The following UNC5D variants were observed in gnomAD, a reference collection of about 807,000 sequenced individuals.
The protein encoded by UNC5D is unc-5 netrin receptor D.
Under a neutral mutation model 105.4 loss-of-function variants are expected in UNC5D, and 39 were observed. That is an observed-to-expected ratio of 0.37 (90% CI 0.29 to 0.48). UNC5D has a LOEUF of 0.48. UNC5D is among the 20% of genes least tolerant of loss of function. UNC5D has a pLI of 0.98. For missense variants in UNC5D, 991 were observed against 1,202.4 expected, an observed-to-expected ratio of 0.82 and a Z score of 2.60; for synonymous variants, 452 against 450.4, an observed-to-expected ratio of 1.00 and a Z score of -0.04.
intron 1 of UNC5D, among the ~76,000 whole-genome samples, chr8:35,411,474 A>G (rs1374548442): frequency 6.6e-6 from 1 of 152,044 alleles, no homozygotes; most frequent in Non-Finnish European, 1.5e-5. Context: ...AGATTTTATG[A>G]AAGCCACTTA....
In UNC5D at chr8:35,568,179, A is replaced by T. The variant is rs1267601411; in HGVS notation, c.404A>T (p.Gln135Leu). ...CATGGGCCCGAGGACTATTGGTGCCAGTGTGTGGCGTGGAGCCACCTGGGT... is the reference window on the plus strand; with the variant it reads ...CATGGGCCCGAGGACTATTGGTGCCTGTGTGTGGCGTGGAGCCACCTGGGT... ...DFHGPEDYWCQCVAWSHLGTS... is the reference protein window; with the variant it reads ...DFHGPEDYWCLCVAWSHLGTS... Residue 135 changes from glutamine to leucine, a missense_variant, in exon 3 of 17, where the codon CAG becomes CTG. Physicochemically the swap from Gln to Leu is moderately radical, Grantham distance 113 (BLOSUM62 -2). Coordinates refer to ENST00000404895, the MANE Select transcript of UNC5D (RefSeq NM_080872.4). 3 of 1,614,054 alleles carry T rather than the reference A, an allele frequency of 1.9e-6. No homozygotes were observed. The highest frequency in any genetic ancestry group is 2.5e-6 in the Non-Finnish European group (3 of 1,180,018).
At chr8:35,665,958 C>CTT (rs35368800) in intron 4 of UNC5D, among the ~76,000 whole-genome samples, 5 of 142,024 alleles carry the variant, frequency 3.5e-5, no homozygotes, top group African/African-American at 1.3e-4. Flanking sequence ...CTTGGTTATA[C>CTT]TTTTTTTTTT....
At chr8:35,547,639 G>C (rs534134456) in intron 1 of UNC5D, among the ~76,000 whole-genome samples, 1 of 152,102 alleles carries the variant, frequency 6.6e-6, no homozygotes, top group African/African-American at 2.4e-5. Flanking sequence ...GTTTACCATT[G>C]ACAATGCTTC....
At chr8:35,603,048 A>G (rs1019449329) in intron 4 of UNC5D, among the ~76,000 whole-genome samples, 26 of 152,006 alleles carry the variant, frequency 1.7e-4, no homozygotes, top group Non-Finnish European at 3.4e-4. Flanking sequence ...TATTTCCTTC[A>G]GTTCTGCTCT....
intron 1 of UNC5D, among the ~76,000 whole-genome samples, chr8:35,273,444 C>T (rs966199662): frequency 6.6e-6 from 1 of 152,100 alleles, no homozygotes; most frequent in Non-Finnish European, 1.5e-5. Flanking sequence ...TTTGAACTGC[C>T]ACAGCGGATA....
intron 1 of UNC5D, among the ~76,000 whole-genome samples, chr8:35,484,228 GC>G (rs1810682161): frequency 6.6e-6 from 1 of 152,110 alleles, no homozygotes; most frequent in Non-Finnish European, 1.5e-5. Context: ...AACAACAGTA[GC>G]CCCACATAAC....
intron 4 of UNC5D, among the ~76,000 whole-genome samples, chr8:35,625,185 G>A (rs187844110): frequency 6.6e-6 from 1 of 152,070 alleles, no homozygotes; most frequent in Admixed American, 6.6e-5. Context: ...TGAGTGTTCT[G>A]CAGAGGTTGG....
At chr8:35,540,271 A>G (rs1815173994) in intron 1 of UNC5D, among the ~76,000 whole-genome samples, 1 of 152,222 alleles carries the variant, frequency 6.6e-6, no homozygotes, top group Non-Finnish European at 1.5e-5. Context: ...CTTAAAATGA[A>G]TAATTGTTAT....
intron 1 of UNC5D, among the ~76,000 whole-genome samples, chr8:35,243,921 C>T (rs192448618): frequency 6.6e-6 from 1 of 152,100 alleles, no homozygotes; most frequent in African/African-American, 2.4e-5. Flanking sequence ...TGTGATAAAA[C>T]CCTTAGGAAA....
intron 1 of UNC5D, among the ~76,000 whole-genome samples, chr8:35,457,489 G>A (rs1240909643): frequency 6.6e-6 from 1 of 152,168 alleles, no homozygotes; most frequent in African/African-American, 2.4e-5. Flanking sequence ...TTATGGTTAT[G>A]ATAGGTACTG....
intron 4 of UNC5D, among the ~76,000 whole-genome samples, chr8:35,659,112 T>C (rs1415642193): frequency 6.6e-6 from 1 of 152,230 alleles, no homozygotes; most frequent in Non-Finnish European, 1.5e-5. Context: ...ATTTTTATCA[T>C]ACTTTGTTAT....
intron 1 of UNC5D, among the ~76,000 whole-genome samples, chr8:35,478,940 T>A (rs909601871): frequency 6.6e-6 from 1 of 152,178 alleles, no homozygotes; most frequent in Non-Finnish European, 1.5e-5. Flanking sequence ...TAGAAAATTT[T>A]CTGAGTGAAA....
At chr8:35,258,168 G>A (rs1454397418) in intron 1 of UNC5D, among the ~76,000 whole-genome samples, 1 of 152,118 alleles carries the variant, frequency 6.6e-6, no homozygotes, top group East Asian at 1.9e-4. Flanking sequence ...ATGGAGGAAG[G>A]GAGGAACAGT....
chr8:35,509,724 T>A (rs1019871582), intron 1 of UNC5D, among the ~76,000 whole-genome samples: 6 of 151,788 alleles, frequency 4.0e-5, no homozygotes, highest in Non-Finnish European at 7.4e-5. Context: ...ACCAAGCAAC[T>A]TTCTGGCAGA....
chr8:35,432,868 G>C (rs1272740423), intron 1 of UNC5D, among the ~76,000 whole-genome samples: 1 of 152,108 alleles, frequency 6.6e-6, no homozygotes, highest in Non-Finnish European at 1.5e-5. Flanking sequence ...CTGGTGCCAA[G>C]AACAATTAAT....
At chr8:35,590,022 C>G (rs114243679) in intron 3 of UNC5D, among the ~76,000 whole-genome samples, 1,957 of 152,160 alleles carry the variant, frequency 0.013, 38 homozygotes, top group African/African-American at 0.044. Flanking sequence ...AGAGGAAGGA[C>G]ATATATTGAT....
chr8:35,495,495 A>T (rs1166990907), intron 1 of UNC5D, among the ~76,000 whole-genome samples: 1 of 150,362 alleles, frequency 6.7e-6, no homozygotes, highest in South Asian at 2.1e-4. Context: ...AAAAAATCTC[A>T]TAATGTGTTA....
intron 1 of UNC5D, among the ~76,000 whole-genome samples, chr8:35,544,113 C>A (rs1815469332): frequency 6.6e-6 from 1 of 152,186 alleles, no homozygotes; most frequent in African/African-American, 2.4e-5. Context: ...CAGTGACACC[C>A]ACCTTGGAGA....
intron 1 of UNC5D, among the ~76,000 whole-genome samples, chr8:35,243,346 T>A (rs1802908445): frequency 6.6e-6 from 1 of 152,164 alleles, no homozygotes; most frequent in Non-Finnish European, 1.5e-5. Flanking sequence ...TGATGCAATA[T>A]AAAGCATTTA....
Sources: gnomAD v4.1 joint callset for allele counts (sites outside exome capture counted in the v4.1 genomes callset) on GRCh38, gnomAD v4.1.1 for gene constraint, MANE v1.5 for transcripts, NCBI Gene and HGNC (gene_info 2026-07-23, HGNC 2026-07-21) for gene names.